Variants in MUC7 observed in about 807,000 individuals in gnomAD.
MUC7 encodes mucin-7.
A neutral mutation model predicts 2.5 loss-of-function variants in MUC7; 2 were observed. That is an observed-to-expected ratio of 0.81 (90% confidence interval 0.33 to 2.55). MUC7 has a LOEUF of 2.55. Among genes scored for constraint, MUC7 ranks in the 30% most tolerant of loss-of-function variants. The pLI is 0.11. For synonymous variants in MUC7, 133 were observed against 173.4 expected, an observed-to-expected ratio of 0.77 and a Z score of 1.83; for missense variants, 408 against 455.6, an observed-to-expected ratio of 0.90 and a Z score of 0.95.
intron 1 of MUC7, among the ~76,000 whole-genome samples, chr4:70,465,235 C>A (rs1261932160): frequency 6.6e-6 from 1 of 152,124 alleles, no homozygotes; most frequent in African/African-American, 2.4e-5. Context: ...ACACAGAAAC[C>A]CCATCTGAAG....
intron 1 of MUC7, among the ~76,000 whole-genome samples, chr4:70,455,038 A>AT (rs929071274): frequency 2.0e-5 from 3 of 151,972 alleles, no homozygotes; most frequent in Non-Finnish European, 4.4e-5. Context: ...TATATTTTAT[A>AT]TTTTTTTAGC....
intron 1 of MUC7, among the ~76,000 whole-genome samples, chr4:70,451,018 G>A (rs957198452): frequency 6.6e-6 from 1 of 152,022 alleles, no homozygotes; most frequent in Non-Finnish European, 1.5e-5. Flanking sequence ...CACTAGGACT[G>A]CCTAAGAGTT....
At chr4:70,476,855 G>T (rs572662300) in intron 2 of MUC7, among the ~76,000 whole-genome samples, 31 of 152,280 alleles carry the variant, frequency 2.0e-4, no homozygotes, top group African/African-American at 7.5e-4. Flanking sequence ...AGCCAGAAAA[G>T]GTCAGTCCTG....
chr4:70,451,350 C>T (rs1734276207), intron 1 of MUC7, among the ~76,000 whole-genome samples: 1 of 152,222 alleles, frequency 6.6e-6, no homozygotes, highest in Admixed American at 6.5e-5. Context: ...CAATTCATTA[C>T]TGTTTTCTCT....
chr4:70,469,080 C>G (rs184551206), upstream of MUC7, among the ~76,000 whole-genome samples: 49 of 152,246 alleles, frequency 3.2e-4, no homozygotes, highest in African/African-American at 1.1e-3. Context: ...TAGAACAAAA[C>G]AGAGGCCTCA....
At chr4:70,447,360 C>T (rs552330635) in intron 1 of MUC7, among the ~76,000 whole-genome samples, 2 of 152,184 alleles carry the variant, frequency 1.3e-5, no homozygotes, top group Non-Finnish European at 2.9e-5. Flanking sequence ...ATGTTGGCTC[C>T]TCTTTACAAC....
At chr4:70,438,218 C>A (rs1031950986) in intron 1 of MUC7, among the ~76,000 whole-genome samples, 1 of 152,148 alleles carries the variant, frequency 6.6e-6, no homozygotes, top group African/African-American at 2.4e-5. Context: ...GAATAGGTAA[C>A]CACAGGGTAC....
intron 1 of MUC7, among the ~76,000 whole-genome samples, chr4:70,455,494 CCT>C (rs1734389406): frequency 1.3e-5 from 2 of 151,954 alleles, no homozygotes; most frequent in African/African-American, 4.8e-5. Context: ...ATATTATCAC[CCT>C]GTTTGCAATT....
At chr4:70,431,130 C>T (rs1321854913) in intron 1 of MUC7, among the ~76,000 whole-genome samples, 1 of 151,982 alleles carries the variant, frequency 6.6e-6, no homozygotes, top group African/African-American at 2.4e-5. Context: ...GAAAAAAAGA[C>T]CACAAAAATC....
chr4:70,476,989 G>A (rs758360219), intron 2 of MUC7, among the ~76,000 whole-genome samples: 3 of 152,172 alleles, frequency 2.0e-5, no homozygotes, highest in Non-Finnish European at 4.4e-5. Flanking sequence ...GAAGAGCTCT[G>A]TCAACTATAG....
intron 1 of MUC7, among the ~76,000 whole-genome samples, chr4:70,460,470 C>CTT (rs56144703): frequency 8.2e-4 from 123 of 149,256 alleles, no homozygotes; most frequent in Non-Finnish European, 1.0e-3. Context: ...ATGAAAAATT[C>CTT]TTTTTTTTTT....
intron 1 of MUC7, among the ~76,000 whole-genome samples, chr4:70,451,431 T>G (rs1338126679): frequency 2.6e-5 from 4 of 152,224 alleles, no homozygotes; most frequent in Non-Finnish European, 5.9e-5. Flanking sequence ...GATTTTCGGT[T>G]CTTATGAAGG....
intron 2 of MUC7, among the ~76,000 whole-genome samples, chr4:70,477,953 C>T (rs1735052798): frequency 6.6e-6 from 1 of 152,150 alleles, no homozygotes; most frequent in Admixed American, 6.5e-5. Context: ...GTCACCTAAA[C>T]TCAAACTTTA....
chr4:70,453,286 C>T (rs1439287429), intron 1 of MUC7, among the ~76,000 whole-genome samples: 1 of 152,222 alleles, frequency 6.6e-6, no homozygotes, highest in Non-Finnish European at 1.5e-5. Flanking sequence ...AGTCAAAATC[C>T]TTAGAAGTCT....
At chr4:70,473,403 C>A (rs1734896593) in intron 1 of MUC7, among the ~76,000 whole-genome samples, 1 of 151,084 alleles carries the variant, frequency 6.6e-6, no homozygotes, top group African/African-American at 2.4e-5. Flanking sequence ...ATGCGTGTGC[C>A]ACTTCACTCC....
At chr4:70,459,302 A>T (rs1053359648) in intron 1 of MUC7, among the ~76,000 whole-genome samples, 2 of 152,132 alleles carry the variant, frequency 1.3e-5, no homozygotes, top group East Asian at 3.9e-4. Context: ...AAATTGGAAA[A>T]CATCATTCTC....
chr4:70,457,776 C>G (rs980891692), intron 1 of MUC7, among the ~76,000 whole-genome samples: 4 of 151,834 alleles, frequency 2.6e-5, no homozygotes, highest in Non-Finnish European at 5.9e-5. Flanking sequence ...GATACCAAGT[C>G]TGACTCAAAA....
At chr4:70,447,124 T>G (rs1734164069) in intron 1 of MUC7, among the ~76,000 whole-genome samples, 1 of 152,106 alleles carries the variant, frequency 6.6e-6, no homozygotes, top group Non-Finnish European at 1.5e-5. Flanking sequence ...AAACAAACCA[T>G]TTGAGAGGAT....
chr4:70,435,682 G>C (rs190596154), intron 1 of MUC7, among the ~76,000 whole-genome samples: 1 of 152,050 alleles, frequency 6.6e-6, no homozygotes, highest in African/African-American at 2.4e-5. Flanking sequence ...CTTTTAATTG[G>C]GGCATTTAGC....
Sources: allele counts gnomAD v4.1 joint callset (sites outside exome capture counted in the v4.1 genomes callset), GRCh38; gene constraint gnomAD v4.1.1; transcripts MANE v1.5; gene names NCBI Gene and HGNC (gene_info 2026-07-23, HGNC 2026-07-21).